The following TMEM132C variants were observed in gnomAD, a reference collection of about 807,000 sequenced individuals.
TMEM132C encodes the protein transmembrane protein 132C, also known as protein phosphatase 1, regulatory subunit 152.
Under a neutral mutation model 61.4 loss-of-function variants are expected in TMEM132C, and 29 were observed. That is an observed-to-expected ratio of 0.47 (90% CI 0.35 to 0.64). The LOEUF (loss-of-function observed/expected upper bound fraction) is 0.64. Among genes scored for constraint, TMEM132C ranks in the 30% least tolerant of loss-of-function variants. The pLI, the probability that TMEM132C is intolerant of heterozygous loss-of-function variation, is 0.00. For missense variants in TMEM132C, 1,408 were observed against 1,476.9 expected (o/e 0.95, Z 0.76); for synonymous variants, 656 against 633.1 (o/e 1.04, Z -0.54).
chr12:128,387,409 G>T (rs539621551), intron 1 of TMEM132C, among the ~76,000 whole-genome samples: 1 of 152,206 alleles, frequency 6.6e-6, no homozygotes, highest in Non-Finnish European at 1.5e-5. Flanking sequence ...GCCTGGGAGG[G>T]AACCGCACAC....
At chr12:128,510,185 T>C (rs915843288) in intron 2 of TMEM132C, among the ~76,000 whole-genome samples, 14 of 152,174 alleles carry the variant, frequency 9.2e-5, no homozygotes, top group African/African-American at 2.9e-4. Flanking sequence ...TCTTTTGATA[T>C]TTATCTACTT....
intron 2 of TMEM132C, among the ~76,000 whole-genome samples, chr12:128,504,293 A>G (rs1253583971): frequency 2.0e-5 from 3 of 152,188 alleles, no homozygotes; most frequent in African/African-American, 4.8e-5. Flanking sequence ...TCTTTTGGCC[A>G]AAAGAGTCCC....
At chr12:128,325,054 AG>A (rs1326436645) in intron 1 of TMEM132C, among the ~76,000 whole-genome samples, 25 of 152,258 alleles carry the variant, frequency 1.6e-4, no homozygotes, top group Admixed American at 2.0e-4. Context: ...CCTGAGCTAG[AG>A]GGGAGGAGAG....
intron 2 of TMEM132C, among the ~76,000 whole-genome samples, chr12:128,460,940 C>T (rs770297696): frequency 1.9e-4 from 29 of 152,208 alleles, no homozygotes; most frequent in African/African-American, 6.0e-4. Context: ...AGGCCTGCCA[C>T]GGTGACTTAA....
chr12:128,464,260 A>G (rs989902390), intron 2 of TMEM132C, among the ~76,000 whole-genome samples: 1 of 152,186 alleles, frequency 6.6e-6, no homozygotes, highest in Non-Finnish European at 1.5e-5. Flanking sequence ...AACACTCTTC[A>G]GGACTGATAC....
intron 2 of TMEM132C, among the ~76,000 whole-genome samples, chr12:128,470,566 A>G (rs889688374): frequency 3.9e-5 from 6 of 152,224 alleles, no homozygotes; most frequent in Non-Finnish European, 7.3e-5. Context: ...AATCCAGTTC[A>G]TAAAACCAGC....
intron 1 of TMEM132C, among the ~76,000 whole-genome samples, chr12:128,272,234 C>T (rs1481603677): frequency 2.0e-5 from 3 of 152,148 alleles, no homozygotes; most frequent in Non-Finnish European, 4.4e-5. Context: ...AGTTATTTGT[C>T]TCTAGAGTTT....
chr12:128,533,909 C>G (rs1873418153), intron 2 of TMEM132C, among the ~76,000 whole-genome samples: 1 of 151,820 alleles, frequency 6.6e-6, no homozygotes, highest in African/African-American at 2.4e-5. Context: ...CGTGCACACA[C>G]ATGCATACAC....
At chr12:128,366,218 C>A (rs534014520) in intron 1 of TMEM132C, among the ~76,000 whole-genome samples, 3 of 152,300 alleles carry the variant, frequency 2.0e-5, no homozygotes, top group African/African-American at 7.2e-5. Flanking sequence ...GCGACAGACT[C>A]CAGACCTCTA....
intron 1 of TMEM132C, among the ~76,000 whole-genome samples, chr12:128,406,786 C>T (rs140652626): frequency 1.6e-4 from 25 of 152,302 alleles, no homozygotes; most frequent in African/African-American, 4.3e-4. Context: ...TCTCAATGAA[C>T]GCTCATGCAC....
chr12:128,467,195 A>C (rs1593063773), intron 2 of TMEM132C, among the ~76,000 whole-genome samples: 2 of 152,210 alleles, frequency 1.3e-5, no homozygotes, highest in Admixed American at 1.3e-4. Flanking sequence ...ATGTGCCATC[A>C]TCTCAGACTC....
At chr12:128,583,439 G>A (rs1875422977) in intron 3 of TMEM132C, among the ~76,000 whole-genome samples, 1 of 151,732 alleles carries the variant, frequency 6.6e-6, no homozygotes, top group Non-Finnish European at 1.5e-5. Context: ...GCTAAGTACT[G>A]AAGAAAAGTT....
chr12:128,503,814 C>T (rs180739597), intron 2 of TMEM132C, among the ~76,000 whole-genome samples: 3 of 152,324 alleles, frequency 2.0e-5, no homozygotes, highest in Admixed American at 2.0e-4. Flanking sequence ...TGTCAACCCT[C>T]AGTGTGGTCA....
chr12:128,522,216 C>T (rs910030289), intron 2 of TMEM132C, among the ~76,000 whole-genome samples: 7 of 152,184 alleles, frequency 4.6e-5, no homozygotes, highest in Admixed American at 6.5e-5. Flanking sequence ...TAACAATTAG[C>T]CGCGCACACA....
At chr12:128,633,994 A>G (rs1168593647) in intron 4 of TMEM132C, among the ~76,000 whole-genome samples, 2 of 152,246 alleles carry the variant, frequency 1.3e-5, no homozygotes, top group African/African-American at 4.8e-5. Flanking sequence ...TCCACAAAGC[A>G]CCAGGAAAAT....
chr12:128,650,311 A>G (rs74612343), intron 4 of TMEM132C, among the ~76,000 whole-genome samples: 3,228 of 152,234 alleles, frequency 0.021, 124 homozygotes, highest in African/African-American at 0.074. Flanking sequence ...TGACTGCTAT[A>G]TTCTTGGGGT....
chr12:128,463,013 G>A (rs1000818512), intron 2 of TMEM132C, among the ~76,000 whole-genome samples: 6 of 152,088 alleles, frequency 3.9e-5, no homozygotes, highest in South Asian at 2.1e-4. Flanking sequence ...TGTCTGGCTC[G>A]TGGCTGCAGA....
intron 5 of TMEM132C, among the ~76,000 whole-genome samples, chr12:128,682,075 G>A (rs1349440600): frequency 6.6e-6 from 1 of 152,136 alleles, no homozygotes; most frequent in Non-Finnish European, 1.5e-5. Context: ...TCCCGCTTAG[G>A]TCCGTCCTGT....
At chr12:128,429,797 TATG>T (rs1324714592) in intron 2 of TMEM132C, among the ~76,000 whole-genome samples, 2 of 152,210 alleles carry the variant, frequency 1.3e-5, no homozygotes, top group Non-Finnish European at 2.9e-5. Context: ...ACACCTTCAT[TATG>T]ATGCATTTCA....
Sources: gnomAD v4.1 joint callset for allele counts (sites outside exome capture counted in the v4.1 genomes callset) on GRCh38, gnomAD v4.1.1 for gene constraint, MANE v1.5 for transcripts, NCBI Gene and HGNC (gene_info 2026-07-23, HGNC 2026-07-21) for gene names.